The following SF3A3 variants were observed in gnomAD, a reference collection of about 807,000 sequenced individuals.
SF3A3 encodes the protein SAP 61.
SF3A3 carries 9 observed loss-of-function variants against 85.8 expected under a neutral mutation model. The ratio of observed to expected loss-of-function variants is 0.10; its 90% CI spans 0.06 to 0.18. The LOEUF (loss-of-function observed/expected upper bound fraction) is 0.18. SF3A3 is among the 10% of genes least tolerant of loss of function. The pLI, the probability that SF3A3 is intolerant of heterozygous loss-of-function variation, is 1.00. For missense variants in SF3A3, 306 were observed against 593.3 expected (o/e 0.52, Z 5.03); for synonymous variants, 195 against 204.4 (o/e 0.95, Z 0.39).
rs1646231993 is a variant in SF3A3 at position 37,958,026 on chromosome 1, A to G, written c.*160T>C. The G allele has an allele frequency of 1.6e-6, 1 of 615,576 alleles. No individual in the cohort carries two copies. Among genetic ancestry groups the G allele is most frequent in the African/African-American group, 1.9e-5 (1 of 54,006 alleles). 38.1% of individuals were successfully genotyped at this position (615,576 alleles called of 1,614,324 possible). A position where few individuals can be genotyped will look rare whatever the true frequency, so the allele number is the denominator to read the frequency against. On this transcript the variant is annotated 3_prime_UTR_variant, in exon 17 of 17. Coordinates refer to ENST00000373019, the MANE Select transcript of SF3A3 (RefSeq NM_006802.4). ...TATAAAACAGATAAAACACATCTCA[A>G]CCCTGCAATCTGCCAGCATGCCTTG...
intron 12 of SF3A3, among the ~76,000 whole-genome samples, chr1:37,976,509 A>AT (rs988864903): frequency 1.7e-4 from 26 of 152,310 alleles, no homozygotes; most frequent in African/African-American, 5.5e-4. Flanking sequence ...ATGCCTTTTC[A>AT]TAAGTCATAA....
chr1:37,960,457 G>T, intron 15 of SF3A3: 1 of 401,424 alleles, frequency 2.5e-6, no homozygotes, highest in East Asian at 3.6e-5. Context: ...GGTTAATGTG[G>T]AACAACCTAT....
intron 11 of SF3A3, 23 bp from the exon 12 acceptor site, chr1:37,976,976 T>G: frequency 6.4e-7 from 1 of 1,557,402 alleles, no homozygotes. Context: ...AACAAGCTGT[T>G]TCACTCAAGG....
chr1:37,969,776 G>A, intron 12 of SF3A3, 41 bp from the exon 13 acceptor site: 3 of 1,601,784 alleles, frequency 1.9e-6, no homozygotes, highest in Non-Finnish European at 2.6e-6. Context: ...AAAAAGTAGT[G>A]CAGAATAAGA....
intron 15 of SF3A3, among the ~76,000 whole-genome samples, chr1:37,961,759 CAAAAAA>C (rs10699691): frequency 0.021 from 793 of 37,788 alleles, 10 homozygotes; most frequent in Middle Eastern, 0.1. Flanking sequence ...GCAAGACTGC[CAAAAAA>C]AAAAAAAAAA....
intron 15 of SF3A3, among the ~76,000 whole-genome samples, chr1:37,962,668 G>A (rs181191687): frequency 1.3e-5 from 2 of 150,706 alleles, no homozygotes; most frequent in African/African-American, 2.4e-5. Flanking sequence ...GGCGATTTCC[G>A]GTGGCAATTT....
chr1:37,983,667 G>A (rs574840893), intron 6 of SF3A3, among the ~76,000 whole-genome samples: 1 of 150,372 alleles, frequency 6.7e-6, no homozygotes, highest in East Asian at 2.0e-4. Flanking sequence ...TGGGTACAAT[G>A]GCTCATGCCT....
In SF3A3 at chr1:37,961,759, C is replaced by CAAAAAAAAAAAAAAA. The variant is rs10699691; in HGVS notation, c.1373-1599_1373-1585dup. Among the ~76,000 whole-genome samples, 13 of 37,798 alleles carry CAAAAAAAAAAAAAAA rather than the reference C, an allele frequency of 3.4e-4. 1 individual carries two copies. The highest frequency in any genetic ancestry group is 0.05 in the Middle Eastern group (1 of 20). The allele number at this position is 37,798 out of a possible 152,430, so 24.8% of individuals were successfully genotyped here. On this transcript the variant is annotated intron_variant, in intron 15 of 16. Transcript: ENST00000373019. ...AGCCTGGGTGACAAAGCAAGACTGC[C>CAAAAAAAAAAAAAAA]AAAAAAAAAAAAAAAAAAAAAAAAG...
intron 14 of SF3A3, among the ~76,000 whole-genome samples, 160 bp downstream of exon 14, chr1:37,969,194 G>T (rs1646322423): frequency 6.6e-6 from 1 of 152,160 alleles, no homozygotes; most frequent in African/African-American, 2.4e-5. Context: ...TAACATTGGT[G>T]CCAAAAGTCA....
intron 11 of SF3A3, among the ~76,000 whole-genome samples, chr1:37,977,608 G>T (rs945982073): frequency 2.6e-5 from 4 of 152,154 alleles, no homozygotes; most frequent in African/African-American, 9.7e-5. Context: ...GGAGGCTGAG[G>T]CAGGTGGATC....
chr1:37,977,095 G>A, intron 11 of SF3A3, 142 bp from the exon 12 acceptor site: 1 of 659,284 alleles, frequency 1.5e-6, no homozygotes, highest in Non-Finnish European at 2.7e-6. Context: ...CAAATGCTCT[G>A]TTCATCTCAG....
chr1:37,986,377 C>T (rs1646457006), intron 4 of SF3A3, among the ~76,000 whole-genome samples: 1 of 152,194 alleles, frequency 6.6e-6, no homozygotes. Context: ...AAATCAATAA[C>T]AGTTGACACC....
chr1:37,987,933 C>T (rs1646467422), intron 2 of SF3A3, 97 bp from the exon 3 acceptor site: 1 of 941,364 alleles, frequency 1.1e-6, no homozygotes, highest in Non-Finnish European at 1.8e-6. Context: ...CCAGGGCAAC[C>T]TCAAGAGACA....
intron 12 of SF3A3, among the ~76,000 whole-genome samples, chr1:37,976,317 T>C (rs7520194): frequency 0.09 from 13,707 of 152,060 alleles, 787 homozygotes; most frequent in Middle Eastern, 0.24. Flanking sequence ...CTCCCTGCTT[T>C]CTCTCTGAGA....
intron 11 of SF3A3, among the ~76,000 whole-genome samples, chr1:37,977,670 C>G (rs1646387778): frequency 6.6e-6 from 1 of 152,048 alleles, no homozygotes; most frequent in Non-Finnish European, 1.5e-5. Flanking sequence ...GAAACCCCGT[C>G]TCTACTAAAA....
At position 37,972,642 on chromosome 1, in the gene SF3A3, C is replaced by T. The variant is rs1646351816; in HGVS notation, c.1006-2907G>A. On this transcript the variant is annotated intron_variant, in intron 12 of 16. Coordinates refer to ENST00000373019, the MANE Select transcript of SF3A3 (RefSeq NM_006802.4). ...AAACTATACTACAAGGCTACAGTAACCAAAACAGCATGGTACTGGTATCAA... is the reference window on the plus strand; with the variant it reads ...AAACTATACTACAAGGCTACAGTAATCAAAACAGCATGGTACTGGTATCAA... Among the ~76,000 whole-genome samples, 4 of 152,248 alleles carry T rather than the reference C, an allele frequency of 2.6e-5. 1 individual carries two copies. In the South Asian group the frequency reaches 8.3e-4, roughly 32 times the overall value.
intron 7 of SF3A3, 140 bp downstream of exon 7, chr1:37,981,589 C>A: frequency 1.5e-6 from 1 of 676,276 alleles, no homozygotes; most frequent in Non-Finnish European, 2.6e-6. Flanking sequence ...CCACATCATT[C>A]ATAACCCCAT....
chr1:37,989,687 A>C, intron 1 of SF3A3, 92 bp from the exon 2 acceptor site: 1 of 1,490,326 alleles, frequency 6.7e-7, no homozygotes, highest in Non-Finnish European at 9.2e-7. Flanking sequence ...CTCAGCTTTT[A>C]CCAGCTGAGG....
rs1309621360 is a variant in SF3A3, at chr1:37,969,290, C to T, written c.1281+64G>A. ...GTGGTCCACATAGGCTGCTCCTACT[C>T]TTTTCTCTAAAAGTCTCATGTTTTT... On this transcript the variant is annotated intron_variant, in intron 14 of 16. Coordinates refer to ENST00000373019, the MANE Select transcript of SF3A3 (RefSeq NM_006802.4). 1.9e-5 allele frequency: 24 copies of T among 1,257,532 alleles called. No homozygotes were observed. In the East Asian group the frequency reaches 5.6e-4, roughly 29 times the overall value. The allele number at this position is 1,257,532 out of a possible 1,614,324, so 77.9% of individuals were successfully genotyped here.
Sources: allele counts gnomAD v4.1 joint callset (sites outside exome capture counted in the v4.1 genomes callset), GRCh38; gene constraint gnomAD v4.1.1; transcripts MANE v1.5; gene names NCBI Gene and HGNC (gene_info 2026-07-23, HGNC 2026-07-21).